ESRRG: variants seen among roughly 807,000 people sequenced by gnomAD.
The protein encoded by ESRRG is estrogen related receptor gamma, also known as estrogen-related receptor gamma.
A neutral mutation model predicts 44.0 loss-of-function variants in ESRRG; 13 were observed. The observed-to-expected ratio is 0.30, with a 90% CI of 0.19 to 0.47. ESRRG has a LOEUF of 0.47. Ranked by LOEUF, ESRRG falls within the 20% of genes least tolerant of loss-of-function variation. The probability of loss-of-function intolerance (pLI) is 1.00; values close to 1 mark genes in which losing one functional copy is unlikely to be tolerated. For synonymous variants in ESRRG, 215 were observed against 214.6 expected (o/e 1.00, Z -0.02); for missense variants, 395 against 580.6 (o/e 0.68, Z 3.29).
In ESRRG at chr1:216,586,736, T is replaced by A. The variant is rs572773871; in HGVS notation, c.590-18638A>T. Among the ~76,000 whole-genome samples, 172 of 121,062 alleles carry A rather than the reference T, an allele frequency of 1.4e-3. 1 individual carries two copies. The highest frequency in any genetic ancestry group is 5.3e-3 in the African/African-American group (162 of 30,842). The allele number at this position is 121,062 out of a possible 152,430, so 79.4% of individuals were successfully genotyped here. On this transcript the variant is annotated intron_variant, in intron 3 of 6. Transcript: ENST00000408911. ...GACTACAGGCGCCCACCACCATGCC[T>A]GGCTAATTTTTTTTGTATTTTGTAG...
At chr1:216,829,086 A>G (rs779979728) in intron 2 of ESRRG, among the ~76,000 whole-genome samples, 9 of 152,220 alleles carry the variant, frequency 5.9e-5, no homozygotes, top group Non-Finnish European at 1.2e-4. Context: ...AGATTAAGCT[A>G]TCTCAGTAAA....
chr1:216,775,063 C>T (rs1238835047), intron 2 of ESRRG, among the ~76,000 whole-genome samples: 1 of 151,908 alleles, frequency 6.6e-6, no homozygotes, highest in Non-Finnish European at 1.5e-5. Context: ...CCCATCTCGG[C>T]CACCCCAAGT....
chr1:217,033,071 G>T (rs12067845), intron 1 of ESRRG, among the ~76,000 whole-genome samples: 1,618 of 152,282 alleles, frequency 0.011, 22 homozygotes, highest in African/African-American at 0.036. Context: ...ATATTAGAAA[G>T]TCACCCCTGA....
chr1:216,975,896 C>T (rs1003480393), intron 1 of ESRRG, among the ~76,000 whole-genome samples: 2 of 152,194 alleles, frequency 1.3e-5, no homozygotes, highest in African/African-American at 4.8e-5. Context: ...CAGGACAAAT[C>T]ATTTTACCTT....
intron 1 of ESRRG, among the ~76,000 whole-genome samples, chr1:217,082,057 T>C (rs956363325): frequency 1.3e-5 from 2 of 152,202 alleles, no homozygotes; most frequent in African/African-American, 4.8e-5. Flanking sequence ...GAATTGTCAG[T>C]CTCACTACCA....
intron 2 of ESRRG, among the ~76,000 whole-genome samples, chr1:216,913,111 CA>C (rs36067159): frequency 0.3 from 18,628 of 62,750 alleles, 824 homozygotes; most frequent in East Asian, 0.48. Context: ...GACTCTGTCT[CA>C]AAAAAAAAAA....
intron 2 of ESRRG, among the ~76,000 whole-genome samples, chr1:216,847,651 G>A (rs114370744): frequency 1.2e-3 from 184 of 152,120 alleles, no homozygotes; most frequent in East Asian, 4.8e-3. Flanking sequence ...TAAGCATATT[G>A]TCTCTCTCTA....
At chr1:216,528,579 G>A (rs533059988) in intron 5 of ESRRG, among the ~76,000 whole-genome samples, 21 of 152,124 alleles carry the variant, frequency 1.4e-4, no homozygotes, top group Non-Finnish European at 2.9e-4. Flanking sequence ...AGTCATGGAT[G>A]AAAACAATGC....
intron 2 of ESRRG, among the ~76,000 whole-genome samples, chr1:216,912,699 C>T (rs2060618435): frequency 6.6e-6 from 1 of 152,168 alleles, no homozygotes; most frequent in Admixed American, 6.5e-5. Context: ...GTCCATCTGA[C>T]ACTGTGTGTG....
At chr1:216,841,188 A>T (rs2095647435) in intron 2 of ESRRG, among the ~76,000 whole-genome samples, 1 of 150,660 alleles carries the variant, frequency 6.6e-6, no homozygotes, top group Non-Finnish European at 1.5e-5. Flanking sequence ...TTAAAATAGA[A>T]TTTTTTTTTT....
intron 1 of ESRRG, among the ~76,000 whole-genome samples, chr1:216,989,661 A>G (rs1040911695): frequency 6.6e-6 from 1 of 151,994 alleles, no homozygotes; most frequent in Non-Finnish European, 1.5e-5. Flanking sequence ...CTTATTATTC[A>G]CCTACGTCAA....
rs146999815 is a variant in ESRRG at position 216,579,940 on chromosome 1, G to A, written c.590-11842C>T. ...CCTCTATGTTTTTGGAATATAGACC[G>A]GCCTAACTGCAAACGTCAAGGTATT... On this transcript the variant is annotated intron_variant, in intron 3 of 6. Transcript: ENST00000408911. Among the ~76,000 whole-genome samples the A allele has an allele frequency of 1.5e-3, 232 of 152,102 alleles. 3 individuals are homozygous for A. The highest frequency in any genetic ancestry group is 0.013 in the Admixed American group (198 of 15,270).
intron 1 of ESRRG, among the ~76,000 whole-genome samples, chr1:216,998,754 A>C (rs574857705): frequency 6.6e-6 from 1 of 152,368 alleles, no homozygotes; most frequent in South Asian, 2.1e-4. Flanking sequence ...ATAAATTCCA[A>C]GGTATTGGAC....
In ESRRG at chr1:216,960,589, T is replaced by TGTTTGTTG. The variant is rs1185645626; in HGVS notation, c.-105-20917_-105-20916insCAACAAAC. The stretch of plus-strand genomic sequence containing the variant: ...TTTATGACTCCTCCATGTGTTTGTT[T>TGTTTGTTG]GTTTGTTTGTTTGTGGAGACAGAGT... On this transcript the variant is annotated intron_variant, in intron 1 of 7. Coordinates refer to the ESRRG transcript ENST00000359162. Among the ~76,000 whole-genome samples, 26 of 151,918 alleles carry TGTTTGTTG rather than the reference T, an allele frequency of 1.7e-4. No individual in the cohort carries two copies. In the South Asian group the frequency reaches 1.9e-3, roughly 11 times the overall value.
chr1:217,072,273 AG>A (rs1358053391), intron 1 of ESRRG, among the ~76,000 whole-genome samples: 1 of 152,190 alleles, frequency 6.6e-6, no homozygotes, highest in East Asian at 1.9e-4. Context: ...ACTCTATGCC[AG>A]GGATGTGGTG....
intron 2 of ESRRG, among the ~76,000 whole-genome samples, chr1:216,915,091 T>C (rs1210588767): frequency 6.6e-6 from 1 of 152,178 alleles, no homozygotes; most frequent in Non-Finnish European, 1.5e-5. Flanking sequence ...TCAGTAAACA[T>C]GGGAGGGTCC....
intron 1 of ESRRG, among the ~76,000 whole-genome samples, chr1:216,970,869 A>T (rs571375002): frequency 6.6e-6 from 1 of 152,188 alleles, no homozygotes; most frequent in Non-Finnish European, 1.5e-5. Flanking sequence ...ATATATCTGG[A>T]ACATAATACC....
chr1:216,650,531 C>A (rs575574486), intron 3 of ESRRG, among the ~76,000 whole-genome samples: 33 of 151,860 alleles, frequency 2.2e-4, no homozygotes, highest in Non-Finnish European at 4.1e-4. Flanking sequence ...ATTTTAAGTT[C>A]TTTGTAATAG....
intron 2 of ESRRG, among the ~76,000 whole-genome samples, chr1:216,934,516 C>A (rs1247561161): frequency 1.3e-5 from 2 of 152,012 alleles, no homozygotes; most frequent in Non-Finnish European, 2.9e-5. Context: ...GCTGGGGTGG[C>A]CTCACAATCA....
Sources: gnomAD v4.1 joint callset for allele counts (sites outside exome capture counted in the v4.1 genomes callset) on GRCh38, gnomAD v4.1.1 for gene constraint, MANE v1.5 for transcripts, NCBI Gene and HGNC (gene_info 2026-07-23, HGNC 2026-07-21) for gene names.